The following GTF2E1 variants were observed in gnomAD, a reference collection of about 807,000 sequenced individuals.
GTF2E1 encodes the protein general transcription factor IIE subunit 1.
Under a neutral mutation model 34.9 loss-of-function variants are expected in GTF2E1, and 14 were observed. The observed-to-expected ratio is 0.40, with a 90% CI of 0.27 to 0.63. GTF2E1 has a LOEUF of 0.63. Ranked by LOEUF, GTF2E1 falls within the 20% of genes least tolerant of loss-of-function variation. The pLI, the probability that GTF2E1 is intolerant of heterozygous loss-of-function variation, is 0.39. For synonymous variants in GTF2E1, 188 were observed against 192.9 expected (o/e 0.97, Z 0.21); for missense variants, 469 against 557.7 (o/e 0.84, Z 1.60).
chr3:120,764,136 C>G (rs191139560), intron 2 of GTF2E1, among the ~76,000 whole-genome samples: 1 of 152,142 alleles, frequency 6.6e-6, no homozygotes, highest in African/African-American at 2.4e-5. Context: ...GAGGCCTACC[C>G]TGAGTTTCCT....
chr3:120,748,333 T>G (rs185060198), intron 1 of GTF2E1, among the ~76,000 whole-genome samples: 30,974 of 151,870 alleles, frequency 0.2, 3,579 homozygotes, highest in East Asian at 0.36. Context: ...CCCATGCCTA[T>G]GTCCTGAATG....
At chr3:120,778,148 A>G (rs1401831707) in intron 4 of GTF2E1, among the ~76,000 whole-genome samples, 1 of 152,232 alleles carries the variant, frequency 6.6e-6, no homozygotes, top group African/African-American at 2.4e-5. Flanking sequence ...CTTTTCTTTG[A>G]ACTTAGGAAG....
At chr3:120,764,420 A>G (rs73855271) in intron 2 of GTF2E1, among the ~76,000 whole-genome samples, 5,103 of 152,282 alleles carry the variant, frequency 0.034, 118 homozygotes, top group South Asian at 0.066. Flanking sequence ...CCTTGAGGAC[A>G]TGGGCTGCAA....
intron 2 of GTF2E1, among the ~76,000 whole-genome samples, chr3:120,762,206 G>T (rs1709270358): frequency 6.6e-6 from 1 of 152,194 alleles, no homozygotes; most frequent in Admixed American, 6.5e-5. Flanking sequence ...TTGGGATGTA[G>T]AGATCTGTAG....
rs967688650 is a variant in GTF2E1, at chr3:120,781,254, T to C, written c.1104T>C (p.Arg368=). ...AGTCAGATGATGATTCTCCACCCCG[T>C]CCGGCAGCTGTGGCTGTGCATAAAC... ...TSESDDDSPP[R]PAAVAVHKRE... Residue 368 remains arginine, a synonymous_variant, in exon 5 of 5, where the codon CGT becomes CGC. Transcript: ENST00000283875. The C allele has an allele frequency of 3.1e-6, 5 of 1,613,952 alleles. No individual in the cohort carries two copies. Among genetic ancestry groups the C allele is most frequent in the Non-Finnish European group, 4.2e-6 (5 of 1,180,008 alleles).
In GTF2E1 at chr3:120,776,486, A is replaced by G. The variant is rs535752647; in HGVS notation, c.714A>G (p.Ala238=). The change falls in exon 4 of 5, where the codon GCA becomes GCG. Residue 238 remains alanine, a synonymous_variant. Transcript: ENST00000283875. ...ASLAGGHHRE[A]WATKGPSYED... is the part of the protein sequence containing the mutation. ...TAGCAGGTGGGCACCACCGGGAAGC[A>G]TGGGCCACCAAAGGTCCTTCCTATG... 1 of 1,613,856 alleles carries G rather than the reference A, an allele frequency of 6.2e-7. No individual in the cohort carries two copies. The highest frequency in any genetic ancestry group is 1.3e-5 in the African/African-American group (1 of 74,936).
At chr3:120,774,029 T>C (rs1709377771) in intron 3 of GTF2E1, among the ~76,000 whole-genome samples, 1 of 152,186 alleles carries the variant, frequency 6.6e-6, no homozygotes, top group Non-Finnish European at 1.5e-5. Flanking sequence ...AGATAGAGAA[T>C]AGAGAAAAAC....
chr3:120,759,621 T>C (rs1357971195), intron 2 of GTF2E1, among the ~76,000 whole-genome samples: 1 of 152,206 alleles, frequency 6.6e-6, no homozygotes, highest in Non-Finnish European at 1.5e-5. Flanking sequence ...TTGTATAAGG[T>C]GTAAGGAAGG....
chr3:120,756,458 T>TG (rs1709210462), intron 2 of GTF2E1, among the ~76,000 whole-genome samples: 1 of 115,634 alleles, frequency 8.6e-6, no homozygotes, highest in African/African-American at 3.3e-5. Context: ...GATTGGGGAG[T>TG]GGGGGGAGTA....
chr3:120,760,214 C>T (rs1487010667), intron 2 of GTF2E1, among the ~76,000 whole-genome samples: 1 of 152,116 alleles, frequency 6.6e-6, no homozygotes, highest in Non-Finnish European at 1.5e-5. Context: ...GGAGTTCACT[C>T]ATGATTTGAC....
At chr3:120,758,029 G>A (rs892114299) in intron 2 of GTF2E1, among the ~76,000 whole-genome samples, 18 of 151,998 alleles carry the variant, frequency 1.2e-4, no homozygotes, top group Non-Finnish European at 1.6e-4. Flanking sequence ...GTGTGGTGGC[G>A]CACACCTGTA....
chr3:120,776,163 A>G (rs1438779058), intron 3 of GTF2E1, among the ~76,000 whole-genome samples: 1 of 152,244 alleles, frequency 6.6e-6, no homozygotes, highest in African/African-American at 2.4e-5. Flanking sequence ...TTAAATCTAT[A>G]AAACCTCAGT....
At chr3:120,751,230 C>A (rs909412741) in intron 2 of GTF2E1, among the ~76,000 whole-genome samples, 1 of 152,190 alleles carries the variant, frequency 6.6e-6, no homozygotes, top group African/African-American at 2.4e-5. Flanking sequence ...TTATGGCCCT[C>A]CTGCCTCTGC....
At chr3:120,747,461 T>C (rs1333803104) in intron 1 of GTF2E1, among the ~76,000 whole-genome samples, 2 of 152,138 alleles carry the variant, frequency 1.3e-5, no homozygotes, top group Non-Finnish European at 2.9e-5. Flanking sequence ...TGTGTTCTCA[T>C]TGTTCAATTC....
rs564699001 is a variant in GTF2E1 at position 120,759,552 on chromosome 3, T to C, written c.448+8552T>C. ...GAATGATATTGCCTAGGTTTTCTTA[T>C]AGGGTTTTTGTGGTGTTAGGTCTTA... On this transcript the variant is annotated intron_variant, in intron 2 of 4. Coordinates refer to ENST00000283875, the MANE Select transcript of GTF2E1 (RefSeq NM_005513.3). Among the ~76,000 whole-genome samples the C allele has an allele frequency of 9.5e-4, 144 of 152,324 alleles. 2 individuals carry two copies. Among genetic ancestry groups the C allele is most frequent in the African/African-American group, 2.9e-3 (119 of 41,576 alleles).
At chr3:120,778,783 G>T (rs1351765876) in intron 4 of GTF2E1, among the ~76,000 whole-genome samples, 4 of 152,150 alleles carry the variant, frequency 2.6e-5, no homozygotes, top group African/African-American at 9.7e-5. Context: ...ACACGTAGAG[G>T]TACTTTTTAG....
At chr3:120,775,157 A>T (rs1054318875) in intron 3 of GTF2E1, among the ~76,000 whole-genome samples, 4 of 152,220 alleles carry the variant, frequency 2.6e-5, no homozygotes, top group Non-Finnish European at 5.9e-5. Context: ...GTGAAGAGTA[A>T]GGGAGTAAGC....
intron 2 of GTF2E1, among the ~76,000 whole-genome samples, chr3:120,765,936 T>C (rs1709303781): frequency 6.6e-6 from 1 of 152,176 alleles, no homozygotes; most frequent in Non-Finnish European, 1.5e-5. Flanking sequence ...CTTGCATGCC[T>C]TGGATTCACC....
Position 120,774,866 on chromosome 3 carries a change from C to T in GTF2E1, c.651-1557C>T, listed in dbSNP as rs111969021. Among the ~76,000 whole-genome samples the T allele has an allele frequency of 5.7e-3, 871 of 152,242 alleles. 12 individuals are homozygous for T. The highest frequency in any genetic ancestry group is 0.02 in the African/African-American group (826 of 41,530). ...GGTGGAATAATGAAAAGTATGCAAA[C>T]GCAGTACCTGGAAGGCATGGATTAA... is the stretch of plus-strand genomic sequence containing the variant. On this transcript the variant is annotated intron_variant, in intron 3 of 4. Coordinates refer to ENST00000283875, the MANE Select transcript of GTF2E1 (RefSeq NM_005513.3).
Sources: allele counts gnomAD v4.1 joint callset (sites outside exome capture counted in the v4.1 genomes callset), GRCh38; gene constraint gnomAD v4.1.1; transcripts MANE v1.5; gene names NCBI Gene and HGNC (gene_info 2026-07-23, HGNC 2026-07-21).